The following GABRA5 variants were observed in gnomAD, a reference collection of about 807,000 sequenced individuals.
GABRA5 encodes the protein gamma-aminobutyric acid type A receptor subunit alpha5, also known as gamma-aminobutyric acid receptor subunit alpha-5.
In GABRA5, 18 loss-of-function variants were observed where a neutral mutation model predicts 47.3. The ratio of observed to expected loss-of-function variants is 0.38; its 90% confidence interval spans 0.26 to 0.56. The LOEUF (loss-of-function observed/expected upper bound fraction) is 0.56, where lower values mean the gene tolerates loss of function less well. Ranked by LOEUF, GABRA5 falls within the 20% of genes least tolerant of loss-of-function variation. The pLI, the probability that GABRA5 is intolerant of heterozygous loss-of-function variation, is 0.71. For missense variants in GABRA5, 365 were observed against 599.3 expected (o/e 0.61, Z 4.08); for synonymous variants, 237 against 229.3 (o/e 1.03, Z -0.30).
At chr15:26,893,359 G>GTGTGTGTGCATGTGTGGTGTGTGTGGTGC in intron 6 of GABRA5, among the ~76,000 whole-genome samples, 1 of 50,324 alleles carries the variant, frequency 2.0e-5, no homozygotes, top group Non-Finnish European at 4.3e-5. Context: ...GTGTGTGTAT[G>GTGTGTGTGCATGTGTGGTGTGTGTGGTGC]GTGTGTAGCG....
intron 6 of GABRA5, among the ~76,000 whole-genome samples, chr15:26,911,995 G>T (rs1893606939): frequency 6.6e-6 from 1 of 152,210 alleles, no homozygotes; most frequent in Admixed American, 6.5e-5. Context: ...AGGGCTGCTG[G>T]TTGAGGTCTT....
Position 26,948,330 on chromosome 15 carries a change from T to C in GABRA5, c.*97T>C, listed in dbSNP as rs1216640917. The C allele has an allele frequency of 3.1e-5, 36 of 1,176,668 alleles. No homozygotes were observed. Among genetic ancestry groups the C allele is most frequent in the Non-Finnish European group, 3.9e-5 (33 of 846,046 alleles). 72.9% of individuals were successfully genotyped at this position (1,176,668 alleles called of 1,614,324 possible). A position where few individuals can be genotyped will look rare whatever the true frequency, so the allele number is the denominator to read the frequency against. On this transcript the variant is annotated 3_prime_UTR_variant, in exon 11 of 11. Transcript: ENST00000335625. ...AGGGACTCTCCATATGTGAGCACTATCTTTCAGGAAATTTTTGCATGTTTA... is the reference window on the plus strand; with the variant it reads ...AGGGACTCTCCATATGTGAGCACTACCTTTCAGGAAATTTTTGCATGTTTA...
chr15:26,936,771 G>A (rs1451984253), intron 7 of GABRA5, among the ~76,000 whole-genome samples: 2 of 152,188 alleles, frequency 1.3e-5, no homozygotes, highest in Non-Finnish European at 2.9e-5. Flanking sequence ...AGGTCATGCA[G>A]TCATAGCCAG....
At chr15:26,934,456 T>C (rs368432476) in intron 7 of GABRA5, among the ~76,000 whole-genome samples, 5 of 152,170 alleles carry the variant, frequency 3.3e-5, no homozygotes, top group South Asian at 4.2e-4. Flanking sequence ...ACTCACAAAC[T>C]GAGTTTGCTT....
intron 7 of GABRA5, among the ~76,000 whole-genome samples, chr15:26,920,268 A>G (rs948971622): frequency 6.6e-6 from 1 of 151,906 alleles, no homozygotes; most frequent in African/African-American, 2.4e-5. Flanking sequence ...ATGGTGTCCC[A>G]TAAGTCTCTT....
intron 3 of GABRA5, among the ~76,000 whole-genome samples, chr15:26,875,968 G>T (rs1288259435): frequency 6.6e-6 from 1 of 152,188 alleles, no homozygotes; most frequent in East Asian, 1.9e-4. Context: ...AGATGCAGTG[G>T]GGACAGTGAA....
chr15:26,886,012 T>TTGC (rs1346985967), intron 6 of GABRA5, among the ~76,000 whole-genome samples: 1 of 130,882 alleles, frequency 7.6e-6, no homozygotes, highest in East Asian at 2.1e-4. Flanking sequence ...TATATGCAGT[T>TTGC]TGCTGTTGTT....
chr15:26,909,455 G>A (rs1893526112), intron 6 of GABRA5, among the ~76,000 whole-genome samples: 1 of 152,146 alleles, frequency 6.6e-6, no homozygotes, highest in African/African-American at 2.4e-5. Flanking sequence ...GCATCAATAG[G>A]AAATACAAAT....
At chr15:26,866,867 C>T (rs777219939), upstream of GABRA5, 2 of 152,326 alleles carry the variant, frequency 1.3e-5, no homozygotes, top group African/African-American at 2.4e-5. Context: ...ACTGCCCTCC[C>T]ATCCCTGCTC....
Position 26,937,302 on chromosome 15 carries a change from G to A in GABRA5, c.698G>A (p.Gly233Asp), listed in dbSNP as rs769772156. ...NQYHLMGQTVGTENISTSTGE... is the reference protein window; with the variant it reads ...NQYHLMGQTVDTENISTSTGE... ...TACCACCTGATGGGGCAGACGGTGG[G>A]CACTGAGAACATCAGCACCAGCACA... The change falls in exon 8 of 11, where the codon GGC becomes GAC. Residue 233 changes from glycine (G) to aspartate (D), a missense_variant. Coordinates refer to ENST00000335625, the MANE Select transcript of GABRA5 (RefSeq NM_000810.4). The A allele has an allele frequency of 6.8e-6, 11 of 1,612,930 alleles. No homozygotes were observed. The highest frequency in any genetic ancestry group is 9.3e-6 in the Non-Finnish European group (11 of 1,179,358).
At chr15:26,928,727 GAAT>G (rs1894019485) in intron 7 of GABRA5, among the ~76,000 whole-genome samples, 1 of 152,134 alleles carries the variant, frequency 6.6e-6, no homozygotes, top group African/African-American at 2.4e-5. Context: ...TGTTATAACA[GAAT>G]ACCACAAACT....
intron 3 of GABRA5, among the ~76,000 whole-genome samples, chr15:26,880,179 G>C (rs988851798): frequency 6.6e-6 from 1 of 152,128 alleles, no homozygotes; most frequent in African/African-American, 2.4e-5. Context: ...AAATGTTCTT[G>C]TGTCTTCCCT....
chr15:26,883,438 C>T lies in GABRA5; in HGVS notation c.378C>T (p.Ser126=). ...QRLPLNNLLA[S]KIWTPDTFFH... is the part of the protein sequence containing the mutation. The stretch of plus-strand genomic sequence containing the variant: ...TCCCTCTCAACAACCTCCTTGCCAG[C>T]AAGATCTGGACCCCAGACACGTTCT... Residue 126 remains serine, a synonymous_variant, in exon 6 of 11, where the codon AGC becomes AGT. Transcript: ENST00000335625. This position sits in a 1 kb window ranked among gnomAD's most constrained non-coding sequence, Gnocchi z 4.8. 1.2e-6 allele frequency: 2 copies of T among 1,614,178 alleles called. No homozygotes were observed. The highest frequency in any genetic ancestry group is 1.7e-6 in the Non-Finnish European group (2 of 1,179,998).
At chr15:26,913,510 A>G (rs544564571) in intron 6 of GABRA5, among the ~76,000 whole-genome samples, 1 of 152,282 alleles carries the variant, frequency 6.6e-6, no homozygotes, top group African/African-American at 2.4e-5. Context: ...TTATGTTTTG[A>G]TTCTCACCCT....
At chr15:26,911,293 A>G (rs1054923359) in intron 6 of GABRA5, among the ~76,000 whole-genome samples, 9 of 151,672 alleles carry the variant, frequency 5.9e-5, no homozygotes, top group Non-Finnish European at 1.2e-4. Context: ...TTTTTCTTTA[A>G]AAGTGCCTTT....
At chr15:26,879,628 T>A (rs1892680344) in intron 3 of GABRA5, among the ~76,000 whole-genome samples, 1 of 152,160 alleles carries the variant, frequency 6.6e-6, no homozygotes, top group South Asian at 2.1e-4. Context: ...GGGAATAGCT[T>A]TAGGGCCAGC....
intron 4 of GABRA5, among the ~76,000 whole-genome samples, chr15:26,881,976 A>G (rs192068183): frequency 1.6e-4 from 24 of 152,330 alleles, no homozygotes; most frequent in African/African-American, 4.8e-4. Flanking sequence ...CTGGGATTAC[A>G]GGTGTGAGCC....
chr15:26,903,588 C>T (rs1325318605), intron 6 of GABRA5, among the ~76,000 whole-genome samples: 4 of 152,252 alleles, frequency 2.6e-5, no homozygotes, highest in African/African-American at 9.6e-5. Flanking sequence ...TATAAGCATT[C>T]CCCTTTCTCC....
chr15:26,880,586 A>C, intron 3 of GABRA5: 1 of 316,860 alleles, frequency 3.2e-6, no homozygotes, highest in South Asian at 5.7e-5. Context: ...ACATAAACCA[A>C]TTCCTTAGAA....
Sources: allele counts gnomAD v4.1 joint callset (sites outside exome capture counted in the v4.1 genomes callset), GRCh38; gene constraint gnomAD v4.1.1; non-coding constraint Gnocchi (gnomAD v3.1); transcripts MANE v1.5; gene names NCBI Gene and HGNC (gene_info 2026-07-23, HGNC 2026-07-21).